Variants in NCAPG observed in about 807,000 individuals in gnomAD.
The protein encoded by NCAPG is condensin complex subunit 3.
In NCAPG, 69 loss-of-function variants were observed where a neutral mutation model predicts 113.1. That is an observed-to-expected ratio of 0.61 (90% CI 0.50 to 0.75). The LOEUF is 0.75. Ranked by LOEUF, NCAPG falls within the 30% of genes least tolerant of loss-of-function variation. NCAPG has a pLI of 0.00. For synonymous variants in NCAPG, 370 were observed against 415.8 expected, an observed-to-expected ratio of 0.89 and a Z score of 1.34; for missense variants, 1,058 against 1,177.0, an observed-to-expected ratio of 0.90 and a Z score of 1.48.
At chr4:17,839,915 T>G in intron 17 of NCAPG, 78 bp downstream of exon 17, 1 of 1,458,804 alleles carries the variant, frequency 6.9e-7, no homozygotes, top group East Asian at 2.4e-5. Context: ...TGTATTAGAT[T>G]ATACATATGT....
chr4:17,840,163 A>G lies in NCAPG; in HGVS notation c.2721A>G (p.Ala907=). Residue 907 remains alanine (A), a synonymous_variant, in exon 18 of 21, where the codon GCA becomes GCG. Transcript: ENST00000251496. ...GNKEFGDQAE[A]AQDATLTTTT... ...AAGAATTTGGTGACCAAGCTGAAGC[A>G]GCACAGGATGCCACCTTGACTACAA... The G allele has an allele frequency of 6.2e-7, 1 of 1,611,398 alleles. No homozygotes were observed. Among genetic ancestry groups the G allele is most frequent in the Non-Finnish European group, 8.5e-7 (1 of 1,178,806 alleles).
intron 14 of NCAPG, 87 bp from the exon 15 acceptor site, chr4:17,837,072 T>A: frequency 8.5e-7 from 1 of 1,172,342 alleles, no homozygotes. Flanking sequence ...GGATGGTTCG[T>A]GTAAAAATAC....
At chr4:17,825,623 T>C (rs1033756616) in intron 11 of NCAPG, 62 bp downstream of exon 11, 1 of 1,411,288 alleles carries the variant, frequency 7.1e-7, no homozygotes, top group Non-Finnish European at 9.6e-7. Context: ...CTAAATCTTA[T>C]TTTCTCTAAC....
intron 9 of NCAPG, 77 bp from the exon 10 acceptor site, chr4:17,824,891 T>G: frequency 1.0e-6 from 1 of 975,260 alleles, no homozygotes; most frequent in East Asian, 2.6e-5. Flanking sequence ...GGATACTACT[T>G]GGAGTTTTAT....
Position 17,812,233 on chromosome 4 carries a change from AC to A in NCAPG, c.125del (p.Thr42LysfsTer27). The A allele has an allele frequency of 5.6e-6, 9 of 1,612,352 alleles. No individual in the cohort carries two copies. The highest frequency in any genetic ancestry group is 7.6e-6 in the Non-Finnish European group (9 of 1,179,354). ...TTTTGTCTTTCAGATGGATGATAAG[AC>A]AGTTTTTCATGAGGAGTTCATTCAT... ...SRTYRTMDDKTVFHEEFIHYL... is the reference protein window; with the variant it reads ...SRTYRTMDDKXVFHEEFIHYL... On this transcript the variant is annotated frameshift_variant, in exon 2 of 21. Coordinates refer to ENST00000251496, the MANE Select transcript of NCAPG (RefSeq NM_022346.5). LOFTEE classifies it high-confidence loss of function.
intron 16 of NCAPG, 35 bp from the exon 17 acceptor site, chr4:17,839,638 ATCT>A (rs776255746): frequency 2.4e-5 from 33 of 1,347,952 alleles, no homozygotes; most frequent in Non-Finnish European, 3.2e-5. Flanking sequence ...AATCATAATC[ATCT>A]TCAATTTACA....
At chr4:17,816,712 G>A (rs1721226320) in intron 5 of NCAPG, among the ~76,000 whole-genome samples, 1 of 152,204 alleles carries the variant, frequency 6.6e-6, no homozygotes, top group South Asian at 2.1e-4. Context: ...ATTGAACCCA[G>A]GGGAGAAGGA....
At chr4:17,831,820 AG>A (rs1721880477) in intron 13 of NCAPG, among the ~76,000 whole-genome samples, 1 of 152,200 alleles carries the variant, frequency 6.6e-6, no homozygotes, top group Non-Finnish European at 1.5e-5. Context: ...TAGACTGTAA[AG>A]ATGTCAGTTT....
chr4:17,813,247 T>A, intron 3 of NCAPG, 102 bp downstream of exon 3: 1 of 899,630 alleles, frequency 1.1e-6, no homozygotes, highest in Non-Finnish European at 1.6e-6. Flanking sequence ...AGAGTATAGG[T>A]AATTAATATA....
At chr4:17,821,005 G>T (rs1721435634) in intron 7 of NCAPG, among the ~76,000 whole-genome samples, 1 of 152,102 alleles carries the variant, frequency 6.6e-6, no homozygotes, top group African/African-American at 2.4e-5. Flanking sequence ...TATAATAAAT[G>T]TCTTTATAAA....
Position 17,825,384 on chromosome 4 carries a change from G to A in NCAPG, c.1476G>A (p.Met492Ile). The A allele has an allele frequency of 6.3e-7, 1 of 1,580,876 alleles. No homozygotes were observed. Among genetic ancestry groups the A allele is most frequent in the Non-Finnish European group, 8.5e-7 (1 of 1,171,236 alleles). Residue 492 changes from methionine (M) to isoleucine (I), a missense_variant and splice_region_variant, in exon 11 of 21, where the codon ATG becomes ATA. Transcript: ENST00000251496. ...AAACAATTTATATCTTCCCTTAGAT[G>A]GCTGAAATAAAAGTTAAGCTTATCG... The part of the protein sequence containing the change: ...PADVRKKELK[M>I]AEIKVKLIEA...
intron 9 of NCAPG, 48 bp downstream of exon 9, chr4:17,823,818 T>C (rs759432848): frequency 6.9e-7 from 1 of 1,457,842 alleles, no homozygotes; most frequent in Admixed American, 1.9e-5. Flanking sequence ...GTCAATGACA[T>C]TGAATACTGT....
At position 17,843,951 on chromosome 4, in the gene NCAPG, C is replaced by CTT. The variant is rs1553852593; in HGVS notation, c.*527_*528dup. On this transcript the variant is annotated 3_prime_UTR_variant, in exon 21 of 21. Transcript: ENST00000251496. ...TCAACAACAGTTATTTTGACAAAAA[C>CTT]TTATTTTGTGATTCCTACAGTGAAA... is the stretch of plus-strand genomic sequence containing the variant. 1 of 151,970 alleles carries CTT rather than the reference C, an allele frequency of 6.6e-6. No individual in the cohort carries two copies. Among genetic ancestry groups the CTT allele is most frequent in the Non-Finnish European group, 1.5e-5 (1 of 67,914 alleles). The allele number at this position is 151,970 out of a possible 1,614,324, so 9.4% of individuals were successfully genotyped here.
intron 3 of NCAPG, chr4:17,813,434 A>G (rs1721075754): frequency 1.4e-5 from 3 of 208,790 alleles, no homozygotes; most frequent in Non-Finnish European, 2.9e-5. Context: ...CATAAATCAC[A>G]TATGTCTATC....
At position 17,811,136 on chromosome 4, in the gene NCAPG, C is replaced by T. The variant is rs1029031281; in HGVS notation, c.59C>T (p.Pro20Leu). 1.3e-6 allele frequency: 2 copies of T among 1,519,212 alleles called. No homozygotes were observed. The highest frequency in any genetic ancestry group is 1.4e-5 in the African/African-American group (1 of 70,014). 94.1% of individuals were successfully genotyped at this position (1,519,212 alleles called of 1,614,324 possible). A position where few individuals can be genotyped will look rare whatever the true frequency, so the allele number is the denominator to read the frequency against. The change falls in exon 1 of 21, where the codon CCG becomes CTG. Residue 20 changes from proline to leucine, a missense_variant. Pro to Leu is a moderately conservative substitution (Grantham distance 98). Coordinates refer to ENST00000251496, the MANE Select transcript of NCAPG (RefSeq NM_022346.5). This position sits in a 1 kb window ranked among gnomAD's most constrained non-coding sequence, Gnocchi z 5.3. ...GAGGCCTTTCGGCTGGCGCAGCAGC[C>T]GCACCAGAACCAGGCGAAGCTGGTG... ...IKEAFRLAQQ[P>L]HQNQAKLVVA...
rs536903988 is a variant in NCAPG at position 17,811,759 on chromosome 4, A to C, written c.112-462A>C. Among the ~76,000 whole-genome samples the C allele has an allele frequency of 6.6e-6, 1 of 152,358 alleles. No homozygotes were observed. The highest frequency in any genetic ancestry group is 2.4e-5 in the African/African-American group (1 of 41,578). On this transcript the variant is annotated intron_variant, in intron 1 of 20. Coordinates refer to ENST00000251496, the MANE Select transcript of NCAPG (RefSeq NM_022346.5). This position sits in a 1 kb window ranked among gnomAD's most constrained non-coding sequence, Gnocchi z 5.3. Reference sequence around the variant, plus strand: ...AAGAATAGAACAATTAATTTGGGGAAGATGAATTATCTTGAGGTCCAAGAA... The same window carrying C: ...AAGAATAGAACAATTAATTTGGGGACGATGAATTATCTTGAGGTCCAAGAA...
At position 17,844,768 on chromosome 4, in the gene NCAPG, G is replaced by A. The variant is rs2109081731; in HGVS notation, c.*1343G>A. Reference sequence around the variant, plus strand: ...TAAGCTAAAATCCCATTCACACATGGCCAGGCTATCCAAAAAGAAAGGAGC... The same window carrying A: ...TAAGCTAAAATCCCATTCACACATGACCAGGCTATCCAAAAAGAAAGGAGC... On this transcript the variant is annotated 3_prime_UTR_variant, in exon 21 of 21. Coordinates refer to ENST00000251496, the MANE Select transcript of NCAPG (RefSeq NM_022346.5). The A allele has an allele frequency of 6.6e-6, 1 of 152,496 alleles. No individual in the cohort carries two copies. Among genetic ancestry groups the A allele is most frequent in the Non-Finnish European group, 1.5e-5 (1 of 67,882 alleles). The allele number at this position is 152,496 out of a possible 1,614,324, so 9.4% of individuals were successfully genotyped here. A position where few individuals can be genotyped will look rare whatever the true frequency, so the allele number is the denominator to read the frequency against.
intron 7 of NCAPG, 122 bp from the exon 8 acceptor site, chr4:17,822,861 G>T: frequency 1.5e-6 from 1 of 647,940 alleles, no homozygotes; most frequent in Non-Finnish European, 2.5e-6. Flanking sequence ...AAATTACATG[G>T]CATAGATATG....
Position 17,837,281 on chromosome 4 carries a change from G to A in NCAPG, c.2232G>A (p.Glu744=). Reference sequence around the variant, plus strand: ...TATGGTACAATCCTGTGACTGAAGAGGATGTTCAACTTCGACATTGCCTAG... The same window carrying A: ...TATGGTACAATCCTGTGACTGAAGAAGATGTTCAACTTCGACATTGCCTAG... The part of the protein sequence containing the change: ...ILLWYNPVTE[E]DVQLRHCLGV... Residue 744 remains glutamate, a synonymous_variant, in exon 15 of 21, where the codon GAG becomes GAA. Coordinates refer to ENST00000251496, the MANE Select transcript of NCAPG (RefSeq NM_022346.5). 6.2e-7 allele frequency: 1 copy of A among 1,613,962 alleles called. No homozygotes were observed. Among genetic ancestry groups the A allele is most frequent in the South Asian group, 1.1e-5 (1 of 91,070 alleles).
Sources: gnomAD v4.1 joint callset for allele counts (sites outside exome capture counted in the v4.1 genomes callset) on GRCh38, gnomAD v4.1.1 for gene constraint, Gnocchi (gnomAD v3.1) non-coding constraint, MANE v1.5 for transcripts, NCBI Gene and HGNC (gene_info 2026-07-23, HGNC 2026-07-21) for gene names.